The following SAMD4A variants were observed in gnomAD, a reference collection of about 807,000 sequenced individuals.
SAMD4A encodes protein Smaug homolog 1.
SAMD4A carries 33 observed loss-of-function variants against 81.3 expected under a neutral mutation model. The observed-to-expected ratio is 0.41, with a 90% CI of 0.31 to 0.54. SAMD4A has a LOEUF of 0.54. SAMD4A is among the 20% of genes least tolerant of loss of function. The pLI is 0.37. For missense variants in SAMD4A, 854 were observed against 951.1 expected (o/e 0.90, Z 1.34); for synonymous variants, 389 against 382.1 (o/e 1.02, Z -0.21).
intron 11 of SAMD4A, among the ~76,000 whole-genome samples, chr14:54,780,483 G>A (rs543156208): frequency 6.6e-6 from 1 of 152,318 alleles, no homozygotes; most frequent in South Asian, 2.1e-4. Context: ...GGGTGTGGAA[G>A]GGGCTGCCAT....
chr14:54,626,064 G>GCGCGCGCGCGCGAGTGCGCA (rs1566554493), intron 2 of SAMD4A, among the ~76,000 whole-genome samples: 2 of 92,854 alleles, frequency 2.2e-5, no homozygotes, highest in African/African-American at 5.5e-5. Flanking sequence ...GTGTGTGCGC[G>GCGCGCGCGCGCGAGTGCGCA]CGCGCGCGCG....
chr14:54,630,946 G>T (rs1186704081), intron 2 of SAMD4A, among the ~76,000 whole-genome samples: 1 of 143,248 alleles, frequency 7.0e-6, no homozygotes, highest in African/African-American at 2.6e-5. Flanking sequence ...GTGTGTGTGT[G>T]TGTGTGTGTG....
intron 2 of SAMD4A, among the ~76,000 whole-genome samples, chr14:54,587,581 G>A (rs1033725996): frequency 2.6e-5 from 4 of 151,712 alleles, no homozygotes; most frequent in Admixed American, 2.6e-4. Flanking sequence ...ATTTTGCTGA[G>A]GGTTTTAATC....
intron 2 of SAMD4A, among the ~76,000 whole-genome samples, chr14:54,587,443 G>A (rs1254465073): frequency 6.6e-6 from 1 of 152,106 alleles, no homozygotes; most frequent in Non-Finnish European, 1.5e-5. Context: ...GATTGCTCCA[G>A]CTGGGACTTC....
chr14:54,702,008 T>G, intron 2 of SAMD4A, 54 bp from the exon 3 acceptor site: 1 of 1,567,354 alleles, frequency 6.4e-7, no homozygotes, highest in East Asian at 2.2e-5. Flanking sequence ...GAGTATCTGT[T>G]TAGAGTCACT....
rs373062766 is a variant in SAMD4A at position 54,774,922 on chromosome 14, T to C, written c.1716-12T>C. On this transcript the variant is annotated splice_polypyrimidine_tract_variant and intron_variant, in intron 9 of 12. Coordinates refer to ENST00000554335, the MANE Select transcript of SAMD4A (RefSeq NM_015589.6). Reference sequence around the variant, plus strand: ...GACTGATATTCTCTTCCTTCTCTCTTGGCTCTCACAGTCGAGGCTTTGGGC... The same window carrying C: ...GACTGATATTCTCTTCCTTCTCTCTCGGCTCTCACAGTCGAGGCTTTGGGC... 1.2e-6 allele frequency: 2 copies of C among 1,614,038 alleles called. No homozygotes were observed. The highest frequency in any genetic ancestry group is 2.2e-5 in the East Asian group (1 of 44,872).
At position 54,658,662 on chromosome 14, in the gene SAMD4A, T is replaced by G. The variant is rs72713405; in HGVS notation, c.197-43400T>G. 9.1e-3 allele frequency among the ~76,000 whole-genome samples: 1,387 copies of G among 152,332 alleles called. 10 individuals carry two copies. The highest frequency in any genetic ancestry group is 0.014 in the Non-Finnish European group (965 of 68,030). ...ACTGTCATTGACTTCTCTGTGCCAC[T>G]GGGATATTCCCACAGTCACTCTGGC... On this transcript the variant is annotated intron_variant, in intron 2 of 12. Transcript: ENST00000554335.
intron 2 of SAMD4A, among the ~76,000 whole-genome samples, chr14:54,672,340 G>A (rs893205341): frequency 2.0e-5 from 3 of 152,252 alleles, no homozygotes; most frequent in African/African-American, 7.2e-5. Flanking sequence ...TACGAGGGTG[G>A]AGGGAAGGTG....
intron 2 of SAMD4A, among the ~76,000 whole-genome samples, chr14:54,614,633 T>C (rs8007867): frequency 0.43 from 64,741 of 152,108 alleles, 13,959 homozygotes; most frequent in Middle Eastern, 0.51. Context: ...CTATCTATTT[T>C]GTTTTCATAA....
rs1198457865 is a variant in SAMD4A, at chr14:54,784,620, GGTGA to G, written c.2128+4_2128+7del. The G allele has an allele frequency of 3.1e-6, 5 of 1,613,090 alleles. No individual in the cohort carries two copies. Among genetic ancestry groups the G allele is most frequent in the Non-Finnish European group, 4.2e-6 (5 of 1,179,144 alleles). On this transcript the variant is annotated splice_donor_variant and splice_donor_region_variant and intron_variant, in intron 12 of 12. Transcript: ENST00000554335. LOFTEE classifies it high-confidence loss of function. The stretch of plus-strand genomic sequence containing the variant: ...CAGTATGACCGAACACGCCCTGGGA[GGTGA>G]GTGTGTTCTTCCTGCATGTCCCCAT...
At chr14:54,687,848 A>C (rs1002671452) in intron 2 of SAMD4A, 5 of 366,976 alleles carry the variant, frequency 1.4e-5, no homozygotes, top group African/African-American at 1.1e-4. Context: ...AAGTGGAGGG[A>C]GCGTGATGTC....
intron 11 of SAMD4A, among the ~76,000 whole-genome samples, chr14:54,784,042 C>G (rs1276291521): frequency 3.3e-5 from 5 of 152,148 alleles, no homozygotes; most frequent in African/African-American, 7.2e-5. Flanking sequence ...ATACAAGGAA[C>G]AAAGTCCTTT....
intron 5 of SAMD4A, among the ~76,000 whole-genome samples, chr14:54,750,907 C>G (rs554618318): frequency 2.6e-5 from 4 of 152,112 alleles, no homozygotes; most frequent in Admixed American, 1.3e-4. Flanking sequence ...CAGGAAGATA[C>G]GAATACAGAT....
In SAMD4A at chr14:54,790,812, C is replaced by A. The variant is rs760361834; in HGVS notation, c.*1868C>A. On this transcript the variant is annotated 3_prime_UTR_variant, in exon 13 of 13. Transcript: ENST00000554335. ...AGACCTAAAAGGCCTTAATGAAATC[C>A]GAACAATTTTCTTTTACTTTCAAGA... 1 of 151,580 alleles carries A rather than the reference C, an allele frequency of 6.6e-6. No homozygotes were observed. Among genetic ancestry groups the A allele is most frequent in the African/African-American group, 2.4e-5 (1 of 41,228 alleles). 9.4% of individuals were successfully genotyped at this position (151,580 alleles called of 1,614,324 possible). A position where few individuals can be genotyped will look rare whatever the true frequency, so the allele number is the denominator to read the frequency against.
At chr14:54,714,968 A>G (rs1420234550) in intron 3 of SAMD4A, among the ~76,000 whole-genome samples, 1 of 152,174 alleles carries the variant, frequency 6.6e-6, no homozygotes, top group Non-Finnish European at 1.5e-5. Flanking sequence ...AAAGTGGACC[A>G]GATTTTAAAA....
intron 8 of SAMD4A, among the ~76,000 whole-genome samples, chr14:54,766,108 C>T (rs954030902): frequency 6.6e-6 from 1 of 152,110 alleles, no homozygotes; most frequent in African/African-American, 2.4e-5. Flanking sequence ...TAATGGCTTC[C>T]CTAGAGCACC....
chr14:54,688,280 C>T (rs2036331834), intron 2 of SAMD4A: 1 of 985,442 alleles, frequency 1.0e-6, no homozygotes, highest in Non-Finnish European at 1.2e-6. Flanking sequence ...CCAAACGGTT[C>T]TCCGGAGCAA....
intron 11 of SAMD4A, among the ~76,000 whole-genome samples, chr14:54,779,843 G>A (rs892662751): frequency 2.6e-5 from 4 of 152,194 alleles, no homozygotes; most frequent in Non-Finnish European, 5.9e-5. Context: ...CCAGTGATGA[G>A]TAAGAAACAC....
chr14:54,594,474 T>G (rs1285367105), intron 2 of SAMD4A, among the ~76,000 whole-genome samples: 2 of 151,964 alleles, frequency 1.3e-5, no homozygotes, highest in African/African-American at 4.8e-5. Flanking sequence ...AATCAGAGCA[T>G]GTTCAGACCT....
Sources: gnomAD v4.1 joint callset for allele counts (sites outside exome capture counted in the v4.1 genomes callset) on GRCh38, gnomAD v4.1.1 for gene constraint, MANE v1.5 for transcripts, NCBI Gene and HGNC (gene_info 2026-07-23, HGNC 2026-07-21) for gene names.